EVC: variants seen among roughly 807,000 people sequenced by gnomAD.
EVC encodes the protein EvC ciliary complex subunit 1, also known as evC complex member EVC.
EVC carries 116 observed loss-of-function variants against 118.9 expected under a neutral mutation model. The ratio of observed to expected loss-of-function variants is 0.98; its 90% CI spans 0.84 to 1.14. EVC has a LOEUF of 1.14. EVC is among the 50% of genes most tolerant of loss of function. The pLI is 0.00. For synonymous variants in EVC, 619 were observed against 534.7 expected (o/e 1.16, Z -2.18); for missense variants, 1,401 against 1,246.4 (o/e 1.12, Z -1.87).
intron 16 of EVC, among the ~76,000 whole-genome samples, chr4:5,803,943 C>CT (rs10600187): frequency 7.2e-4 from 103 of 142,360 alleles, no homozygotes; most frequent in African/African-American, 1.8e-3. Context: ...GCCTCATCAC[C>CT]TTTTTTTTTT....
chr4:5,767,499 G>C (rs183275998), intron 11 of EVC, among the ~76,000 whole-genome samples: 35,338 of 144,790 alleles, frequency 0.24, 4,704 homozygotes, highest in East Asian at 0.3. Context: ...CTCCCCCAGC[G>C]TGGCTGCCAC....
At position 5,804,835 on chromosome 4, in the gene EVC, A is replaced by C; in HGVS notation, c.2555A>C (p.His852Pro). 1 of 1,613,792 alleles carries C rather than the reference A, an allele frequency of 6.2e-7. No homozygotes were observed. Among genetic ancestry groups the C allele is most frequent in the Non-Finnish European group, 8.5e-7 (1 of 1,179,832 alleles). The change falls in exon 17 of 21, where the codon CAC becomes CCC. Residue 852 changes from histidine to proline, a missense_variant. By Grantham distance (77) the His-to-Pro change is moderately conservative (BLOSUM62 -2). Transcript: ENST00000264956. ...GCTCATGAGACCTCCCAGGCGGTCC[A>C]CCAGAGGTGAGGTCCCAACTGAGGT... ...GGAHETSQAV[H>P]QRMLSQQKRF... is the part of the protein sequence containing the mutation.
At chr4:5,780,489 C>T (rs1735425290) in intron 11 of EVC, among the ~76,000 whole-genome samples, 1 of 152,144 alleles carries the variant, frequency 6.6e-6, no homozygotes, top group Non-Finnish European at 1.5e-5. Flanking sequence ...TAATAGAATG[C>T]CTTGATTGAA....
At position 5,797,221 on chromosome 4, in the gene EVC, C is replaced by A; in HGVS notation, c.2086C>A (p.Leu696Ile). ...QCLDEHQWQL[L>I]RALEARVLEE... is the part of the protein sequence containing the mutation. The stretch of plus-strand genomic sequence containing the variant: ...CCTGGACGAGCATCAGTGGCAGCTG[C>A]TCAGGGCCCTGGTAAGACCAGCATG... Residue 696 changes from leucine to isoleucine, a missense_variant, in exon 14 of 21, where the codon CTC becomes ATC. Physicochemically the swap from Leu to Ile is conservative, Grantham distance 5. Transcript: ENST00000264956. 1.2e-6 allele frequency: 2 copies of A among 1,608,906 alleles called. No individual in the cohort carries two copies. The highest frequency in any genetic ancestry group is 2.2e-5 in the East Asian group (1 of 44,696).
intron 11 of EVC, among the ~76,000 whole-genome samples, chr4:5,768,174 G>A (rs1056635411): frequency 6.6e-6 from 1 of 152,084 alleles, no homozygotes; most frequent in Non-Finnish European, 1.5e-5. Context: ...AGTCCAGAGC[G>A]CCTCATCTTG....
intron 13 of EVC, among the ~76,000 whole-genome samples, chr4:5,796,165 G>A (rs1225300100): frequency 6.6e-6 from 1 of 151,872 alleles, no homozygotes; most frequent in Non-Finnish European, 1.5e-5. Flanking sequence ...TCCTTGTATA[G>A]TTTCCAGTTA....
intron 2 of EVC, among the ~76,000 whole-genome samples, chr4:5,728,092 T>C (rs1036325481): frequency 3.9e-5 from 6 of 152,128 alleles, no homozygotes; most frequent in African/African-American, 1.4e-4. Context: ...TAAAGTGGTT[T>C]TTTCCAGTTC....
chr4:5,758,257 T>G (rs1484168765), intron 11 of EVC: 2 of 623,926 alleles, frequency 3.2e-6, no homozygotes, highest in Non-Finnish European at 5.7e-6. Flanking sequence ...ACACCTTGGT[T>G]TCATACTAAT....
At chr4:5,824,200 C>T in the EVC span, 1 of 712,524 alleles carries the variant, frequency 1.4e-6, no homozygotes, top group Middle Eastern at 7.0e-4. Context: ...AGTTTGCAAA[C>T]TCCTTGAGAG....
chr4:5,752,777 A>T, intron 8 of EVC, 59 bp from the exon 9 acceptor site: 1 of 1,565,784 alleles, frequency 6.4e-7, no homozygotes, highest in Non-Finnish European at 8.8e-7. Context: ...CTGTTAATTA[A>T]CATGCCCTGG....
chr4:5,811,046 C>G lies in EVC; in HGVS notation c.*9C>G. On this transcript the variant is annotated 3_prime_UTR_variant, in exon 21 of 21. Coordinates refer to ENST00000264956, the MANE Select transcript of EVC (RefSeq NM_153717.3). ...GAAGAAGCAACTTGTAGTTTAAGAC[C>G]AGTCGGTGGGACAAGACCTGAAGCC... The G allele has an allele frequency of 6.2e-7, 1 of 1,606,232 alleles. No homozygotes were observed.
At chr4:5,822,692 T>C in the EVC span, among the ~76,000 whole-genome samples, 1 of 152,142 alleles carries the variant, frequency 6.6e-6, no homozygotes, top group African/African-American at 2.4e-5. Context: ...AGAGTCCTTA[T>C]CAGGGAGGGG....
rs937079562 is a variant in EVC, at chr4:5,743,226, G to A, written c.801+1412G>A. 5.9e-5 allele frequency among the ~76,000 whole-genome samples: 9 copies of A among 152,178 alleles called. No individual in the cohort carries two copies. The highest frequency in any genetic ancestry group is 2.1e-4 in the South Asian group (1 of 4,812). On this transcript the variant is annotated intron_variant, in intron 6 of 20. Transcript: ENST00000264956. The surrounding 1 kb of genome is among the most constrained non-coding windows in gnomAD (Gnocchi z 4.7). ...TCATCACCATCCACTGGTTCCTGCC[G>A]GTTTCTTCACTTTATCCTGTCTGGA...
intron 19 of EVC, among the ~76,000 whole-genome samples, chr4:5,809,825 T>C (rs1211336261): frequency 6.6e-6 from 1 of 152,150 alleles, no homozygotes; most frequent in African/African-American, 2.4e-5. Flanking sequence ...AGTTCTTGGG[T>C]CTGGTGTTCA....
At chr4:5,821,975 G>C in the EVC span, 1 of 708,966 alleles carries the variant, frequency 1.4e-6, no homozygotes. This position sits in a 1 kb window ranked among gnomAD's most constrained non-coding sequence, Gnocchi z 4.4. Flanking sequence ...CTCAGTCCAG[G>C]ACCAGCCATG....
chr4:5,825,789 C>A, the EVC span: 1 of 782,414 alleles, frequency 1.3e-6, no homozygotes, highest in East Asian at 3.0e-5. This position sits in a 1 kb window ranked among gnomAD's most constrained non-coding sequence, Gnocchi z 4.4. Context: ...CACACACACA[C>A]AACACGCACA....
At chr4:5,781,950 G>A (rs1354630865) in intron 11 of EVC, among the ~76,000 whole-genome samples, 1 of 152,202 alleles carries the variant, frequency 6.6e-6, no homozygotes, top group South Asian at 2.1e-4. Context: ...GTAGAGACCT[G>A]TAAACTGGAG....
At chr4:5,741,148 G>C (rs1044760012) in intron 5 of EVC, among the ~76,000 whole-genome samples, 1 of 152,214 alleles carries the variant, frequency 6.6e-6, no homozygotes, top group South Asian at 2.1e-4. Flanking sequence ...CAGCAGCATT[G>C]TTCATAATAG....
At chr4:5,721,867 A>AAAAT (rs1016209467) in intron 2 of EVC, among the ~76,000 whole-genome samples, 1 of 152,226 alleles carries the variant, frequency 6.6e-6, no homozygotes, top group Non-Finnish European at 1.5e-5. Flanking sequence ...ACTCTGTCTC[A>AAAAT]AAATAAATAA....
Sources: gnomAD v4.1 joint callset for allele counts (sites outside exome capture counted in the v4.1 genomes callset) on GRCh38, gnomAD v4.1.1 for gene constraint, Gnocchi (gnomAD v3.1) non-coding constraint, MANE v1.5 for transcripts, NCBI Gene and HGNC (gene_info 2026-07-23, HGNC 2026-07-21) for gene names.